CYP26B1: variants seen among roughly 807,000 people sequenced by gnomAD.
The protein encoded by CYP26B1 is cytochrome P450 family 26 subfamily B member 1, also known as cytochrome P450 26B1.
In CYP26B1, 8 loss-of-function variants were observed where a neutral mutation model predicts 39.1. The ratio of observed to expected loss-of-function variants is 0.20; its 90% CI spans 0.12 to 0.37. CYP26B1 has a LOEUF of 0.37. Ranked by LOEUF, CYP26B1 falls within the 10% of genes least tolerant of loss-of-function variation. The pLI is 1.00. For synonymous variants in CYP26B1, 321 were observed against 314.3 expected, an observed-to-expected ratio of 1.02 and a Z score of -0.23; for missense variants, 615 against 707.0, an observed-to-expected ratio of 0.87 and a Z score of 1.48.
Position 72,144,209 on chromosome 2 carries a change from GA to G in CYP26B1, c.208del (p.Ser70LeufsTer24). ...GETGHWLLQGSGFQSSRREKY... is the reference protein window; with the variant it reads ...GETGHWLLQGXGFQSSRREKY... ...CTCCCTCCGCGACGACTGGAAGCCA[GA>G]ACCCTGCGGGAGCCACACCCGGGTC... On this transcript the variant is annotated frameshift_variant, in exon 2 of 6. Coordinates refer to ENST00000001146, the MANE Select transcript of CYP26B1 (RefSeq NM_019885.4). LOFTEE classifies it high-confidence loss of function. 6.3e-7 allele frequency: 1 copy of G among 1,587,434 alleles called. No homozygotes were observed. Among genetic ancestry groups the G allele is most frequent in the Non-Finnish European group, 8.6e-7 (1 of 1,161,294 alleles).
chr2:72,135,502 G>A (rs1676745566), intron 2 of CYP26B1, 83 bp from the exon 3 acceptor site: 7 of 1,572,042 alleles, frequency 4.5e-6, no homozygotes, highest in Non-Finnish European at 6.0e-6. Context: ...AACAATGAAT[G>A]TGACTGGAGA....
intron 1 of CYP26B1, chr2:72,144,599 G>T: frequency 1.4e-6 from 1 of 723,630 alleles, no homozygotes; most frequent in Non-Finnish European, 1.7e-6. Flanking sequence ...CGGGCCACGG[G>T]CTGGCGAGAC....
At chr2:72,135,055 C>T in intron 3 of CYP26B1, 89 bp downstream of exon 3, 2 of 1,603,522 alleles carry the variant, frequency 1.2e-6, no homozygotes, top group South Asian at 1.1e-5. Context: ...GCCTAGGTGC[C>T]CATCTCAGGG....
intron 1 of CYP26B1, chr2:72,144,421 G>A: frequency 7.3e-7 from 1 of 1,366,034 alleles, no homozygotes; most frequent in South Asian, 2.1e-5. Flanking sequence ...AATGCAAGGA[G>A]GCGGAGGCCC....
intron 1 of CYP26B1, among the ~76,000 whole-genome samples, chr2:72,145,475 T>C (rs963225056): frequency 3.3e-5 from 5 of 152,196 alleles, no homozygotes; most frequent in African/African-American, 4.8e-5. Context: ...TAATTCCCCC[T>C]GCCGTGCAGC....
Position 72,132,371 on chromosome 2 carries a change from C to T in CYP26B1, c.1395G>A (p.Glu465=). Residue 465 remains glutamate (E), a synonymous_variant, in exon 6 of 6, where the codon GAG becomes GAA. Transcript: ENST00000001146. ...TGCGGGGGAAGGTCCGTGTGGCCAG[C>T]TCAAAGCGGCTGGTGCTAGCCAGCT... is the stretch of plus-strand genomic sequence containing the variant. ...AVELASTSRF[E]LATRTFPRIT... 6.2e-7 allele frequency: 1 copy of T among 1,611,560 alleles called. No homozygotes were observed. Among genetic ancestry groups the T allele is most frequent in the Non-Finnish European group, 8.5e-7 (1 of 1,178,358 alleles).
intron 2 of CYP26B1, 57 bp downstream of exon 2, chr2:72,143,932 C>G (rs1157553776): frequency 6.3e-7 from 1 of 1,594,706 alleles, no homozygotes; most frequent in Non-Finnish European, 8.6e-7. Flanking sequence ...GCTCCAGGAA[C>G]TCCTTGCCCC....
At position 72,130,415 on chromosome 2, in the gene CYP26B1, G is replaced by C. The variant is rs1234758981; in HGVS notation, c.*1812C>G. 1 of 152,166 alleles carries C rather than the reference G, an allele frequency of 6.6e-6. No homozygotes were observed. The highest frequency in any genetic ancestry group is 1.5e-5 in the Non-Finnish European group (1 of 68,048). 9.4% of individuals were successfully genotyped at this position (152,166 alleles called of 1,614,324 possible). ...AAACATCTGAGACTCAGGGATTGGA[G>C]AGCAGTCTGTGTGGTATGGGCCCGT... On this transcript the variant is annotated 3_prime_UTR_variant, in exon 6 of 6. Coordinates refer to ENST00000001146, the MANE Select transcript of CYP26B1 (RefSeq NM_019885.4).
rs1478303900 is a variant in CYP26B1 at position 72,129,663 on chromosome 2, G to A, written c.*2564C>T. On this transcript the variant is annotated 3_prime_UTR_variant, in exon 6 of 6. Coordinates refer to ENST00000001146, the MANE Select transcript of CYP26B1 (RefSeq NM_019885.4). ...AAATAATATTATAGCCATCTGGGCA[G>A]GGTCACGGTGGTGCCCAGAACACAA... 6.6e-6 allele frequency: 1 copy of A among 152,544 alleles called. No homozygotes were observed. The highest frequency in any genetic ancestry group is 2.4e-5 in the African/African-American group (1 of 41,430). The allele number at this position is 152,544 out of a possible 1,614,324, so 9.4% of individuals were successfully genotyped here. A position where few individuals can be genotyped will look rare whatever the true frequency, so the allele number is the denominator to read the frequency against.
In CYP26B1 at chr2:72,147,588, A is replaced by C; in HGVS notation, c.204+43T>G. 1 of 1,567,550 alleles carries C rather than the reference A, an allele frequency of 6.4e-7. No homozygotes were observed. Among genetic ancestry groups the C allele is most frequent in the Admixed American group, 1.8e-5 (1 of 55,632 alleles). On this transcript the variant is annotated intron_variant, in intron 1 of 5. Coordinates refer to ENST00000001146, the MANE Select transcript of CYP26B1 (RefSeq NM_019885.4). The surrounding 1 kb of genome is among the most constrained non-coding windows in gnomAD (Gnocchi z 6.1). ...GCCGCTCCGTCTGCCCCGCGCTCGC[A>C]GCTAGCGGACCCCGGAGTGCAGCGG...
chr2:72,145,482 C>T (rs968301344), intron 1 of CYP26B1, among the ~76,000 whole-genome samples: 4 of 152,318 alleles, frequency 2.6e-5, no homozygotes, highest in Admixed American at 2.6e-4. Flanking sequence ...CCCTGCCGTG[C>T]AGCCCTTCTA....
intron 2 of CYP26B1, among the ~76,000 whole-genome samples, chr2:72,141,613 A>C (rs1339619307): frequency 6.6e-6 from 1 of 152,196 alleles, no homozygotes; most frequent in Non-Finnish European, 1.5e-5. Context: ...CATGGACCGG[A>C]TAAAGAGGTG....
chr2:72,143,829 A>T (rs1677031229), intron 2 of CYP26B1, among the ~76,000 whole-genome samples, 160 bp downstream of exon 2: 2 of 152,184 alleles, frequency 1.3e-5, no homozygotes, highest in South Asian at 4.1e-4. Flanking sequence ...CAGGCCCTGG[A>T]TCCGGACTCG....
In CYP26B1 at chr2:72,133,048, G is replaced by A. The variant is rs1463081010; in HGVS notation, c.1121C>T (p.Thr374Ile). 3 of 1,613,146 alleles carry A rather than the reference G, an allele frequency of 1.9e-6. No homozygotes were observed. The highest frequency in any genetic ancestry group is 2.2e-5 in the East Asian group (1 of 44,892). Residue 374 changes from threonine to isoleucine, a missense_variant, in exon 5 of 6, where the codon ACT becomes ATT. Physicochemically the swap from Thr to Ile is moderately conservative, Grantham distance 89 (BLOSUM62 -1). Coordinates refer to ENST00000001146, the MANE Select transcript of CYP26B1 (RefSeq NM_019885.4). ...LFTPISGGYR[T>I]VLQTFELDGF... ...ATCAAGCTCGAAGGTCTGCAGCACA[G>A]TGCGGTAGCCGCCGGAAATGGGCGT...
chr2:72,142,092 C>G (rs1676959562), intron 2 of CYP26B1, among the ~76,000 whole-genome samples: 3 of 151,952 alleles, frequency 2.0e-5, no homozygotes, highest in Admixed American at 1.3e-4. Flanking sequence ...CAGCATCCCC[C>G]CTTCCCCCCA....
At chr2:72,132,927 C>A (rs925399813) in intron 5 of CYP26B1, 96 bp downstream of exon 5, 6 of 1,571,056 alleles carry the variant, frequency 3.8e-6, no homozygotes, top group Non-Finnish European at 5.2e-6. Flanking sequence ...CCCCATCAGG[C>A]CTGAAGTCCC....
In CYP26B1 at chr2:72,135,253, C is replaced by T; in HGVS notation, c.596G>A (p.Gly199Asp). 2 of 1,614,012 alleles carry T rather than the reference C, an allele frequency of 1.2e-6. No homozygotes were observed. The highest frequency in any genetic ancestry group is 1.3e-5 in the African/African-American group (1 of 75,036). The change falls in exon 3 of 6, where the codon GGC becomes GAC. Residue 199 changes from glycine to aspartate, a missense_variant. Gly to Asp is a moderately conservative substitution (Grantham distance 94, BLOSUM62 -1). Transcript: ENST00000001146. ...AAGGTCCTCCTCAGGGATGCTGAAG[C>T]CCAGCAGCACCCGGATGGCCATGCG... ...TFRMAIRVLL[G>D]FSIPEEDLGH... is the part of the protein sequence containing the mutation.
At chr2:72,138,204 G>T (rs1676833170) in intron 2 of CYP26B1, among the ~76,000 whole-genome samples, 1 of 152,100 alleles carries the variant, frequency 6.6e-6, no homozygotes, top group African/African-American at 2.4e-5. Flanking sequence ...CAGACATAGG[G>T]GCCTCCCAGG....
At position 72,134,842 on chromosome 2, in the gene CYP26B1, G is replaced by T. The variant is rs1676714144; in HGVS notation, c.780C>A (p.Gly260=). Residue 260 remains glycine, a synonymous_variant, in exon 4 of 6, where the codon GGC becomes GGA. Coordinates refer to ENST00000001146, the MANE Select transcript of CYP26B1 (RefSeq NM_019885.4). ...GGTCCAGGGCGTCCAAGTAGTCCTT[G>T]CCCTGTGTGCACTGCAGCTTCTCCC... is the stretch of plus-strand genomic sequence containing the variant. ...AIREKLQCTQ[G]KDYLDALDLL... is the part of the protein sequence containing the mutation. The T allele has an allele frequency of 1.9e-6, 3 of 1,614,054 alleles. No homozygotes were observed. In the African/African-American group the frequency reaches 4.0e-5, roughly 22 times the overall value.
Sources: allele counts gnomAD v4.1 joint callset (sites outside exome capture counted in the v4.1 genomes callset), GRCh38; gene constraint gnomAD v4.1.1; non-coding constraint Gnocchi (gnomAD v3.1); transcripts MANE v1.5; gene names NCBI Gene and HGNC (gene_info 2026-07-23, HGNC 2026-07-21).